Variants in CSMD1 observed in about 807,000 individuals in gnomAD.
CSMD1 encodes CUB and Sushi multiple domains 1.
A neutral mutation model predicts 417.5 loss-of-function variants in CSMD1; 213 were observed. That is an observed-to-expected ratio of 0.51 (90% CI 0.46 to 0.57). The LOEUF is 0.57. CSMD1 is among the 20% of genes least tolerant of loss of function. The pLI is 0.00. For synonymous variants in CSMD1, 2,862 were observed against 1,736.8 expected (o/e 1.65, Z -16.11); for missense variants, 6,923 against 4,529.7 (o/e 1.53, Z -15.17).
At chr8:4,964,315 A>C (rs1396831851) in intron 1 of CSMD1, among the ~76,000 whole-genome samples, 1 of 151,828 alleles carries the variant, frequency 6.6e-6, no homozygotes, top group African/African-American at 2.4e-5. Flanking sequence ...AAAGTTCAAC[A>C]CCAGCAGGGC....
intron 2 of CSMD1, among the ~76,000 whole-genome samples, chr8:4,592,304 G>C (rs747652888): frequency 6.6e-6 from 1 of 151,594 alleles, no homozygotes; most frequent in Non-Finnish European, 1.5e-5. Context: ...ATTTACAGTG[G>C]TAATTGGAAT....
At chr8:3,824,355 G>C (rs940152453) in intron 5 of CSMD1, among the ~76,000 whole-genome samples, 1 of 152,148 alleles carries the variant, frequency 6.6e-6, no homozygotes, top group African/African-American at 2.4e-5. Context: ...TGCAAAGTTT[G>C]TCAAATGACG....
At chr8:2,942,353 A>T in intron 69 of CSMD1, 119 bp downstream of exon 69, 3 of 936,126 alleles carry the variant, frequency 3.2e-6, no homozygotes, top group South Asian at 4.7e-5. Flanking sequence ...AAAAAAAAAA[A>T]AAGAACATTG....
rs558971638 is a variant in CSMD1, at chr8:3,317,814, T to C, written c.3632-9311A>G. On this transcript the variant is annotated intron_variant, in intron 23 of 69. Transcript: ENST00000635120. ...AAGTTGCTACTGTATAAGTGAACTT[T>C]TAATGTTATTTTTTGAGACAAGGTC... Among the ~76,000 whole-genome samples the C allele has an allele frequency of 9.2e-5, 14 of 152,350 alleles. 1 individual carries two copies. In the South Asian group the frequency reaches 2.1e-3, roughly 23 times the overall value.
At chr8:4,452,388 G>C (rs1006516610) in intron 2 of CSMD1, among the ~76,000 whole-genome samples, 1 of 152,178 alleles carries the variant, frequency 6.6e-6, no homozygotes. Flanking sequence ...GTAGCCTCGA[G>C]GGCTTGGGGT....
At chr8:3,295,347 C>G (rs751264112) in intron 25 of CSMD1, among the ~76,000 whole-genome samples, 6 of 151,876 alleles carry the variant, frequency 4.0e-5, no homozygotes, top group Admixed American at 1.3e-4. Flanking sequence ...AGGAAGGTCT[C>G]GATCTCCTGA....
intron 3 of CSMD1, among the ~76,000 whole-genome samples, chr8:4,315,565 G>C (rs932724334): frequency 1.3e-5 from 2 of 152,160 alleles, no homozygotes; most frequent in East Asian, 3.9e-4. Flanking sequence ...TGCTTAAGGA[G>C]AACCAATCTT....
intron 2 of CSMD1, among the ~76,000 whole-genome samples, chr8:4,570,119 A>G (rs1029210073): frequency 6.6e-6 from 1 of 152,122 alleles, no homozygotes; most frequent in Non-Finnish European, 1.5e-5. Flanking sequence ...TCCTAATTGA[A>G]TACTCTTTCT....
At chr8:3,894,620 T>C (rs955680414) in intron 5 of CSMD1, among the ~76,000 whole-genome samples, 3 of 152,184 alleles carry the variant, frequency 2.0e-5, no homozygotes, top group African/African-American at 7.2e-5. Flanking sequence ...AAATAAATGC[T>C]CAGTGCTAAG....
intron 3 of CSMD1, among the ~76,000 whole-genome samples, chr8:4,234,469 T>C (rs1452432249): frequency 6.6e-6 from 1 of 152,142 alleles, no homozygotes; most frequent in Non-Finnish European, 1.5e-5. Context: ...GTGTGGCCAT[T>C]TGAGACCTGC....
intron 2 of CSMD1, among the ~76,000 whole-genome samples, chr8:4,545,108 C>A (rs897429197): frequency 1.3e-5 from 2 of 152,246 alleles, no homozygotes; most frequent in African/African-American, 4.8e-5. Flanking sequence ...TAAGAGGGGA[C>A]ATAGTAACTT....
chr8:4,606,865 AC>A (rs1485463086), intron 2 of CSMD1, among the ~76,000 whole-genome samples: 1 of 152,232 alleles, frequency 6.6e-6, no homozygotes, highest in East Asian at 1.9e-4. Context: ...AAGTGAAATC[AC>A]AAAAATAACT....
intron 3 of CSMD1, among the ~76,000 whole-genome samples, chr8:4,167,170 G>C (rs376937018): frequency 6.6e-5 from 10 of 152,256 alleles, no homozygotes; most frequent in African/African-American, 2.2e-4. Flanking sequence ...TTCTGAAGTA[G>C]AAAACCAGAT....
intron 4 of CSMD1, among the ~76,000 whole-genome samples, chr8:4,003,021 A>T (rs201002298): frequency 0.15 from 22,490 of 152,150 alleles, 1,734 homozygotes; most frequent in South Asian, 0.2. Flanking sequence ...GTATAAAAAT[A>T]AAAACAACAC....
At chr8:4,594,907 A>G (rs1800174671) in intron 2 of CSMD1, among the ~76,000 whole-genome samples, 1 of 152,180 alleles carries the variant, frequency 6.6e-6, no homozygotes, top group South Asian at 2.1e-4. Flanking sequence ...GTGGATGGTT[A>G]TAGTGGTTTA....
At chr8:3,722,272 C>T (rs1429363727) in intron 6 of CSMD1, among the ~76,000 whole-genome samples, 1 of 152,120 alleles carries the variant, frequency 6.6e-6, no homozygotes, top group African/African-American at 2.4e-5. Flanking sequence ...CACACCACTG[C>T]ACTCCAGCCT....
At chr8:4,636,068 T>C (rs1011606927) in intron 2 of CSMD1, among the ~76,000 whole-genome samples, 3 of 152,074 alleles carry the variant, frequency 2.0e-5, no homozygotes, top group Non-Finnish European at 4.4e-5. Flanking sequence ...TGACATATTA[T>C]AAACTAGATG....
intron 7 of CSMD1, among the ~76,000 whole-genome samples, chr8:3,678,057 T>C (rs962674614): frequency 3.3e-5 from 5 of 152,068 alleles, no homozygotes; most frequent in African/African-American, 9.7e-5. Context: ...GGAGGGTGGT[T>C]CAAAGATGGC....
chr8:4,323,938 G>A (rs920625550), intron 3 of CSMD1, among the ~76,000 whole-genome samples: 3 of 152,124 alleles, frequency 2.0e-5, no homozygotes, highest in Non-Finnish European at 4.4e-5. Context: ...CCCAGCAACA[G>A]GCATTCAGAC....
Sources: allele counts gnomAD v4.1 joint callset (sites outside exome capture counted in the v4.1 genomes callset), GRCh38; gene constraint gnomAD v4.1.1; transcripts MANE v1.5; gene names NCBI Gene and HGNC (gene_info 2026-07-23, HGNC 2026-07-21).